The following NR2F1-AS1 variants were observed in gnomAD, a reference collection of about 807,000 sequenced individuals.
NR2F1-AS1 encodes NR2F1 regulatory antisense RNA 1.
chr5:93,582,786 A>ATG (rs1561521510), upstream of NR2F1-AS1, among the ~76,000 whole-genome samples: 43 of 44,712 alleles, frequency 9.6e-4, no homozygotes, highest in South Asian at 3.0e-3. Context: ...GTGTGTGTGT[A>ATG]TGTGTGTGTG....
intron 4 of NR2F1-AS1, among the ~76,000 whole-genome samples, chr5:93,414,907 G>A (rs559814472): frequency 1.2e-3 from 185 of 151,852 alleles, no homozygotes; most frequent in Non-Finnish European, 2.3e-3. Flanking sequence ...ATAAACTGTT[G>A]CAGTTAAAAA....
chr5:93,502,322 C>T (rs768568473), intron 4 of NR2F1-AS1, among the ~76,000 whole-genome samples: 12 of 152,094 alleles, frequency 7.9e-5, no homozygotes, highest in South Asian at 2.1e-4. Flanking sequence ...GCGCTTTCTC[C>T]AAACACAGAG....
intron 4 of NR2F1-AS1, among the ~76,000 whole-genome samples, chr5:93,521,257 A>G (rs769066391): frequency 2.0e-5 from 3 of 152,170 alleles, no homozygotes; most frequent in Non-Finnish European, 4.4e-5. Context: ...ACTCAAAACT[A>G]TAAAAATCCT....
At chr5:93,468,598 T>C (rs1363420744) in intron 4 of NR2F1-AS1, among the ~76,000 whole-genome samples, 3 of 152,124 alleles carry the variant, frequency 2.0e-5, no homozygotes, top group Non-Finnish European at 4.4e-5. Flanking sequence ...CTGTAGGTTG[T>C]CTGTTCACTC....
At chr5:93,501,549 T>C (rs1186572200) in intron 4 of NR2F1-AS1, among the ~76,000 whole-genome samples, 1 of 152,012 alleles carries the variant, frequency 6.6e-6, no homozygotes, top group Admixed American at 6.6e-5. Flanking sequence ...AGACTGAGTT[T>C]CACTATGTTG....
At chr5:93,511,324 T>C (rs1428260144) in intron 4 of NR2F1-AS1, among the ~76,000 whole-genome samples, 1 of 152,174 alleles carries the variant, frequency 6.6e-6, no homozygotes, top group African/African-American at 2.4e-5. Context: ...GTGGGTCTTC[T>C]CCTGCTGCTG....
intron 4 of NR2F1-AS1, among the ~76,000 whole-genome samples, chr5:93,438,153 G>T (rs1474112075): frequency 6.6e-6 from 1 of 152,174 alleles, no homozygotes; most frequent in African/African-American, 2.4e-5. Context: ...GCCTCACTCT[G>T]TATCATGGGA....
chr5:93,536,240 G>GA (rs1436188543), intron 4 of NR2F1-AS1, among the ~76,000 whole-genome samples: 1 of 152,004 alleles, frequency 6.6e-6, no homozygotes, highest in East Asian at 1.9e-4. Flanking sequence ...CCAAGGAAGT[G>GA]AAAGATCCCT....
At chr5:93,443,232 A>C (rs1749614496) in intron 4 of NR2F1-AS1, among the ~76,000 whole-genome samples, 1 of 152,208 alleles carries the variant, frequency 6.6e-6, no homozygotes, top group African/African-American at 2.4e-5. Context: ...TCAGATGATC[A>C]GTAATCACAA....
rs796780959 is a variant in NR2F1-AS1 at position 93,509,078 on chromosome 5, C to T, written n.638+44683G>A. Among the ~76,000 whole-genome samples the T allele has an allele frequency of 2.0e-4, 31 of 152,008 alleles. 1 individual carries two copies. The highest frequency in any genetic ancestry group is 7.2e-4 in the African/African-American group (30 of 41,506). On this transcript the variant is annotated intron_variant and non_coding_transcript_variant, in intron 4 of 5. Coordinates refer to ENST00000660523, the Ensembl canonical transcript of NR2F1-AS1. ...TACAGCATTGTTTTAACATTTAATA[C>T]CTAGAAATAGACTAAACATCTGTAA...
At chr5:93,467,391 G>A (rs757883218) in intron 4 of NR2F1-AS1, among the ~76,000 whole-genome samples, 2 of 151,992 alleles carry the variant, frequency 1.3e-5, no homozygotes, top group Non-Finnish European at 2.9e-5. Flanking sequence ...AATTTTCCAA[G>A]GCATCCTCTC....
At chr5:93,495,916 A>G (rs754135345) in intron 4 of NR2F1-AS1, 11 of 152,172 alleles carry the variant, frequency 7.2e-5, no homozygotes, top group Non-Finnish European at 1.0e-4. Context: ...TTTTGTGGAT[A>G]CTACAAACTA....
intron 4 of NR2F1-AS1, among the ~76,000 whole-genome samples, chr5:93,457,386 G>A (rs249255): frequency 0.042 from 6,450 of 152,258 alleles, 188 homozygotes; most frequent in Non-Finnish European, 0.065. Flanking sequence ...ATCCTGCATA[G>A]CCCTAAATCC....
At chr5:93,482,922 G>T (rs907267440) in intron 4 of NR2F1-AS1, among the ~76,000 whole-genome samples, 1 of 152,160 alleles carries the variant, frequency 6.6e-6, no homozygotes, top group Non-Finnish European at 1.5e-5. Flanking sequence ...TCTGGGCAGG[G>T]CATCTCTGAA....
At chr5:93,481,160 G>GA (rs1240725303) in intron 4 of NR2F1-AS1, among the ~76,000 whole-genome samples, 13 of 151,834 alleles carry the variant, frequency 8.6e-5, no homozygotes, top group Admixed American at 7.9e-4. Context: ...AGTTAACAAT[G>GA]AAAGGATAGA....
intron 4 of NR2F1-AS1, among the ~76,000 whole-genome samples, chr5:93,506,194 C>A (rs1167665049): frequency 6.6e-6 from 1 of 152,318 alleles, no homozygotes; most frequent in East Asian, 1.9e-4. Flanking sequence ...CAAGAGTCAC[C>A]TTTGCTCCAG....
chr5:93,581,863 TCTCTC>T (rs1285020734), upstream of NR2F1-AS1, among the ~76,000 whole-genome samples: 1 of 61,622 alleles, frequency 1.6e-5, no homozygotes, highest in Non-Finnish European at 3.1e-5. Flanking sequence ...CCTCTCTCTC[TCTCTC>T]CTCTCTCCTC....
chr5:93,515,188 G>T (rs1164690941), intron 4 of NR2F1-AS1, among the ~76,000 whole-genome samples: 1 of 151,820 alleles, frequency 6.6e-6, no homozygotes, highest in Non-Finnish European at 1.5e-5. Flanking sequence ...GAAACTGTGG[G>T]TTTTGTTCTC....
intron 4 of NR2F1-AS1, among the ~76,000 whole-genome samples, chr5:93,515,516 G>C (rs1580293736): frequency 6.6e-6 from 1 of 151,702 alleles, no homozygotes; most frequent in South Asian, 2.1e-4. Context: ...ACTTAATTTT[G>C]AAATTATTTG....
Sources: allele counts gnomAD v4.1 joint callset (sites outside exome capture counted in the v4.1 genomes callset), GRCh38; gene constraint gnomAD v4.1.1; transcripts MANE v1.5; gene names NCBI Gene and HGNC (gene_info 2026-07-23, HGNC 2026-07-21).